COL12A1: variants seen among roughly 807,000 people sequenced by gnomAD.
COL12A1 encodes collagen type XII alpha 1 chain.
A neutral mutation model predicts 349.7 loss-of-function variants in COL12A1; 114 were observed. The ratio of observed to expected loss-of-function variants is 0.33; its 90% confidence interval spans 0.28 to 0.38. COL12A1 has a LOEUF of 0.38. Among genes scored for constraint, COL12A1 ranks in the 10% least tolerant of loss-of-function variants. COL12A1 has a pLI of 1.00. For missense variants in COL12A1, 3,284 were observed against 3,756.9 expected (o/e 0.87, Z 3.29); for synonymous variants, 1,369 against 1,329.0 (o/e 1.03, Z -0.66).
chr6:75,126,557 C>A (rs1472569703), intron 38 of COL12A1, 87 bp from the exon 39 acceptor site: 12 of 1,369,102 alleles, frequency 8.8e-6, no homozygotes, highest in Non-Finnish European at 1.2e-5. Context: ...TAGGAAAGCC[C>A]AATGGGAGCA....
chr6:75,190,906 G>A (rs932718380), intron 5 of COL12A1, among the ~76,000 whole-genome samples: 1 of 151,874 alleles, frequency 6.6e-6, no homozygotes, highest in Non-Finnish European at 1.5e-5. Flanking sequence ...ATTAGCATCT[G>A]AAATAATGAT....
Position 75,183,429 on chromosome 6 carries a change from A to G in COL12A1, c.1512T>C (p.Ile504=). 2 of 1,614,166 alleles carry G rather than the reference A, an allele frequency of 1.2e-6. No individual in the cohort carries two copies. The highest frequency in any genetic ancestry group is 1.7e-6 in the Non-Finnish European group (2 of 1,180,026). The change falls in exon 10 of 66, where the codon ATT becomes ATC. Residue 504 remains isoleucine, a synonymous_variant. Transcript: ENST00000322507. The part of the protein sequence containing the change: ...LKKFTKVEDI[I]EAINTFPYRG... ...TGTAAGGGAAGGTGTTTATTGCTTC[A>G]ATTATATCTTCAACTTTGGTGAATT... is the stretch of plus-strand genomic sequence containing the variant.
intron 44 of COL12A1, among the ~76,000 whole-genome samples, chr6:75,120,985 C>T (rs1769330937): frequency 6.6e-6 from 1 of 152,072 alleles, no homozygotes; most frequent in Non-Finnish European, 1.5e-5. Flanking sequence ...ATTTAATATC[C>T]AGAACTTTGG....
At chr6:75,186,972 G>A (rs529793952) in intron 8 of COL12A1, among the ~76,000 whole-genome samples, 2 of 151,872 alleles carry the variant, frequency 1.3e-5, no homozygotes, top group South Asian at 4.2e-4. Context: ...CCTATTGGAG[G>A]GTTGAAGGTA....
intron 31 of COL12A1, among the ~76,000 whole-genome samples, chr6:75,135,660 A>G (rs1371225393): frequency 6.6e-6 from 1 of 152,234 alleles, no homozygotes; most frequent in Non-Finnish European, 1.5e-5. Flanking sequence ...ATGTGCTAGA[A>G]CAAACCAGAT....
At chr6:75,117,581 C>A (rs1189541330) in intron 46 of COL12A1, 35 bp from the exon 47 acceptor site, 2 of 1,596,236 alleles carry the variant, frequency 1.3e-6, no homozygotes, top group South Asian at 1.1e-5. Flanking sequence ...AATCACGTAT[C>A]TCTTTTTCTG....
At position 75,152,501 on chromosome 6, in the gene COL12A1, G is replaced by C. The variant is rs779797627; in HGVS notation, c.3566-19C>G. 2 of 1,612,694 alleles carry C rather than the reference G, an allele frequency of 1.2e-6. No homozygotes were observed. The highest frequency in any genetic ancestry group is 1.1e-5 in the South Asian group (1 of 91,044). Reference sequence around the variant, plus strand: ...TCCATCCCTGACATGGCAATCATGAGACAAGACAGTAAGAAGCAAATTGTT... The same window carrying C: ...TCCATCCCTGACATGGCAATCATGACACAAGACAGTAAGAAGCAAATTGTT... On this transcript the variant is annotated intron_variant, in intron 17 of 65. Transcript: ENST00000322507.
At chr6:75,186,908 G>A (rs900083790) in intron 8 of COL12A1, among the ~76,000 whole-genome samples, 2 of 151,906 alleles carry the variant, frequency 1.3e-5, no homozygotes, top group Non-Finnish European at 2.9e-5. Flanking sequence ...ATAAGTGGGG[G>A]CTAAATGATG....
rs373620003 is a variant in COL12A1, at chr6:75,130,253, T to C, written c.6068-20A>G. ...GTGGTACTAAATAAATAAAATACAATAGAGTTTGTTGCCTGCCTGTGAGCA... is the reference window on the plus strand; with the variant it reads ...GTGGTACTAAATAAATAAAATACAACAGAGTTTGTTGCCTGCCTGTGAGCA... On this transcript the variant is annotated intron_variant, in intron 36 of 65. Coordinates refer to ENST00000322507, the MANE Select transcript of COL12A1 (RefSeq NM_004370.6). 14 of 1,609,312 alleles carry C rather than the reference T, an allele frequency of 8.7e-6. No homozygotes were observed. Among genetic ancestry groups the C allele is most frequent in the African/African-American group, 2.7e-5 (2 of 74,548 alleles).
chr6:75,133,090 T>C (rs1402822051), intron 34 of COL12A1, among the ~76,000 whole-genome samples: 4 of 152,252 alleles, frequency 2.6e-5, no homozygotes, highest in African/African-American at 4.8e-5. Flanking sequence ...TTGAAATTAT[T>C]TCAAAAGAAG....
intron 26 of COL12A1, 102 bp from the exon 27 acceptor site, chr6:75,142,263 G>T (rs1449335757): frequency 7.3e-7 from 1 of 1,365,032 alleles, no homozygotes. Context: ...ATAAAATTGT[G>T]ATCAGAAAAG....
chr6:75,145,358 G>A lies in COL12A1; in HGVS notation c.4658C>T (p.Thr1553Ile). The A allele has an allele frequency of 1.2e-6, 2 of 1,613,346 alleles. No homozygotes were observed. The highest frequency in any genetic ancestry group is 1.1e-5 in the South Asian group (1 of 90,954). The change falls in exon 25 of 66, where the codon ACT (threonine) becomes ATT (isoleucine). Residue 1553 changes from threonine (T) to isoleucine (I), a missense_variant. Coordinates refer to ENST00000322507, the MANE Select transcript of COL12A1 (RefSeq NM_004370.6). ...TTCCCGAACAGTGACAGGTTCACTAGTGAGGTCGTGCAGGACAGCCTGGAC... is the reference window on the plus strand; with the variant it reads ...TTCCCGAACAGTGACAGGTTCACTAATGAGGTCGTGCAGGACAGCCTGGAC... Reference protein sequence around the residue: ...VTVQAVLHDLTSEPVTVREVT... With the variant: ...VTVQAVLHDLISEPVTVREVT...
rs1364587607 is a variant in COL12A1, at chr6:75,128,375, A to G, written c.6261T>C (p.Pro2087=). 1 of 1,610,444 alleles carries G rather than the reference A, an allele frequency of 6.2e-7. No individual in the cohort carries two copies. The highest frequency in any genetic ancestry group is 1.7e-5 in the Admixed American group (1 of 59,530). The change falls in exon 38 of 66, where the codon CCT becomes CCC. Residue 2087 remains proline (P), a synonymous_variant. Coordinates refer to ENST00000322507, the MANE Select transcript of COL12A1 (RefSeq NM_004370.6). The part of the protein sequence containing the change: ...RNNVILQPLQ[P]DTPYKITVIA... ...TAACAGTAATTTTATATGGAGTGTC[A>G]GGTTGCAGGGGCTGCAGTATTACAT...
chr6:75,126,508 T>C (rs1562169905), intron 38 of COL12A1, 38 bp from the exon 39 acceptor site: 3 of 1,592,154 alleles, frequency 1.9e-6, no homozygotes, highest in Admixed American at 3.4e-5. Context: ...TGACCTTTTA[T>C]TGGCACACAG....
At chr6:75,140,362 A>G (rs1042006025) in intron 27 of COL12A1, among the ~76,000 whole-genome samples, 1 of 152,230 alleles carries the variant, frequency 6.6e-6, no homozygotes, top group Non-Finnish European at 1.5e-5. Context: ...TCTGAAGTTA[A>G]GAAGCAGGTT....
At chr6:75,148,727 T>C (rs1767329467) in intron 21 of COL12A1, among the ~76,000 whole-genome samples, 1 of 152,132 alleles carries the variant, frequency 6.6e-6, no homozygotes, top group Non-Finnish European at 1.5e-5. Context: ...CATGAGCTCA[T>C]TGTCTTTCCT....
chr6:75,133,167 C>T (rs980534202), intron 34 of COL12A1, 126 bp downstream of exon 34: 1 of 843,988 alleles, frequency 1.2e-6, no homozygotes, highest in African/African-American at 1.8e-5. Flanking sequence ...TAAACTATGG[C>T]TAATTTTTAT....
chr6:75,091,217 A>C, intron 62 of COL12A1, 106 bp downstream of exon 62: 1 of 878,582 alleles, frequency 1.1e-6, no homozygotes. Flanking sequence ...TTATCAAATG[A>C]AATGAAAGAG....
At chr6:75,140,989 A>T (rs1012459741) in intron 27 of COL12A1, among the ~76,000 whole-genome samples, 1 of 152,234 alleles carries the variant, frequency 6.6e-6, no homozygotes, top group Non-Finnish European at 1.5e-5. Context: ...TGTTACAGAA[A>T]AAAGGTAAAA....
Sources: allele counts gnomAD v4.1 joint callset (sites outside exome capture counted in the v4.1 genomes callset), GRCh38; gene constraint gnomAD v4.1.1; transcripts MANE v1.5; gene names NCBI Gene and HGNC (gene_info 2026-07-23, HGNC 2026-07-21).